The following AFAP1 variants were observed in gnomAD, a reference collection of about 807,000 sequenced individuals.
AFAP1 encodes the protein actin filament associated protein 1, also known as actin filament-associated protein 1.
A neutral mutation model predicts 93.9 loss-of-function variants in AFAP1; 75 were observed. That is an observed-to-expected ratio of 0.80 (90% CI 0.66 to 0.97). AFAP1 has a LOEUF of 0.97. AFAP1 is among the 50% of genes least tolerant of loss of function. AFAP1 has a pLI of 0.00. For missense variants in AFAP1, 1,201 were observed against 1,050.8 expected, an observed-to-expected ratio of 1.14 and a Z score of -1.98; for synonymous variants, 517 against 430.7, an observed-to-expected ratio of 1.20 and a Z score of -2.48.
At chr4:7,821,459 C>A (rs564412600) in intron 6 of AFAP1, among the ~76,000 whole-genome samples, 1 of 152,156 alleles carries the variant, frequency 6.6e-6, no homozygotes, top group African/African-American at 2.4e-5. Context: ...CTTTCCCAGC[C>A]GCCCCCTACA....
At chr4:7,845,341 G>C (rs542881715) in intron 4 of AFAP1, among the ~76,000 whole-genome samples, 6 of 152,222 alleles carry the variant, frequency 3.9e-5, no homozygotes, top group Admixed American at 1.3e-4. Flanking sequence ...AGGATCACTT[G>C]AGCCCAGGAG....
chr4:7,767,114 C>T (rs1256615891), intron 17 of AFAP1, among the ~76,000 whole-genome samples: 2 of 152,206 alleles, frequency 1.3e-5, no homozygotes, highest in Non-Finnish European at 2.9e-5. Flanking sequence ...TCCTGGGGAA[C>T]CCTGCTCAGT....
In AFAP1 at chr4:7,868,397, G is replaced by A. The variant is rs547159161; in HGVS notation, c.225+225C>T. Among the ~76,000 whole-genome samples, 4 of 152,258 alleles carry A rather than the reference G, an allele frequency of 2.6e-5. No homozygotes were observed. In the South Asian group the frequency reaches 8.3e-4, roughly 32 times the overall value. On this transcript the variant is annotated intron_variant, in intron 3 of 17. Coordinates refer to ENST00000420658, the MANE Select transcript of AFAP1 (RefSeq NM_001134647.2). ...CTATAGGTAATTTATGGTGGTGTGAGGCAGTGCAAAGAAATGCTAGCTTCC... is the reference window on the plus strand; with the variant it reads ...CTATAGGTAATTTATGGTGGTGTGAAGCAGTGCAAAGAAATGCTAGCTTCC...
At chr4:7,817,124 T>C (rs1720548337) in intron 7 of AFAP1, among the ~76,000 whole-genome samples, 2 of 152,054 alleles carry the variant, frequency 1.3e-5, no homozygotes, top group African/African-American at 2.4e-5. Flanking sequence ...GGAAATAAAA[T>C]TGCATCAACC....
intron 9 of AFAP1, among the ~76,000 whole-genome samples, chr4:7,801,174 A>G (rs754759655): frequency 6.6e-6 from 1 of 152,252 alleles, no homozygotes; most frequent in Non-Finnish European, 1.5e-5. Flanking sequence ...GGGAGGCACT[A>G]AGATCCCCAG....
intron 17 of AFAP1, among the ~76,000 whole-genome samples, 175 bp from the exon 18 acceptor site, chr4:7,763,966 A>G (rs1415469335): frequency 6.6e-6 from 1 of 152,186 alleles, no homozygotes; most frequent in Admixed American, 6.5e-5. Context: ...ACCTATCAGA[A>G]TGGAGAGCAT....
At chr4:7,764,305 C>G (rs1714236580) in intron 17 of AFAP1, among the ~76,000 whole-genome samples, 1 of 152,078 alleles carries the variant, frequency 6.6e-6, no homozygotes, top group East Asian at 1.9e-4. Flanking sequence ...CTGTGGGACA[C>G]ACAGACAGGA....
intron 1 of AFAP1, among the ~76,000 whole-genome samples, chr4:7,914,773 T>G (rs1429406949): frequency 6.6e-6 from 1 of 151,936 alleles, no homozygotes; most frequent in African/African-American, 2.4e-5. Context: ...TCTGAGACAG[T>G]CTCACTGTTG....
intron 11 of AFAP1, 94 bp from the exon 12 acceptor site, chr4:7,786,405 C>T: frequency 9.5e-7 from 1 of 1,053,626 alleles, no homozygotes. Context: ...ATGCCCAAGG[C>T]TATGTCAGAG....
At chr4:7,930,916 A>G (rs1312749753) in intron 1 of AFAP1, among the ~76,000 whole-genome samples, 1 of 152,058 alleles carries the variant, frequency 6.6e-6, no homozygotes, top group Non-Finnish European at 1.5e-5. Context: ...ACAACCGACT[A>G]ATTTTTGTAT....
Position 7,781,413 on chromosome 4 carries a change from GA to G in AFAP1, c.1744del (p.Ser582LeufsTer33). 3 of 1,551,962 alleles carry G rather than the reference GA, an allele frequency of 1.9e-6. No individual in the cohort carries two copies. The highest frequency in any genetic ancestry group is 2.6e-6 in the Non-Finnish European group (3 of 1,147,054). ...CCCGAGAGACGCCCTCCCCACAGAA[GA>G]GGTATTAGTGACAGACTGAGCGGAG... The part of the protein sequence containing the change: ...PASAQSVTNT[S>X]SVGRASLGLN... On this transcript the variant is annotated frameshift_variant, in exon 13 of 18. Coordinates refer to ENST00000420658, the MANE Select transcript of AFAP1 (RefSeq NM_001134647.2). LOFTEE classifies it high-confidence loss of function.
intron 1 of AFAP1, among the ~76,000 whole-genome samples, chr4:7,906,435 G>T (rs571818558): frequency 4.3e-4 from 65 of 152,288 alleles, no homozygotes; most frequent in African/African-American, 1.5e-3. Context: ...ATTAAGAGCA[G>T]AGTTAAGACT....
intron 6 of AFAP1, among the ~76,000 whole-genome samples, chr4:7,822,633 G>A (rs1248594864): frequency 8.4e-5 from 12 of 143,178 alleles, no homozygotes; most frequent in African/African-American, 3.2e-4. Context: ...CGCCCAGGCT[G>A]GAGTGCAGTG....
chr4:7,844,212 G>A (rs977034738), intron 4 of AFAP1, among the ~76,000 whole-genome samples: 8 of 152,056 alleles, frequency 5.3e-5, no homozygotes, highest in Non-Finnish European at 1.2e-4. Flanking sequence ...AGGACTTTTA[G>A]GAGGTTACTA....
intron 1 of AFAP1, among the ~76,000 whole-genome samples, chr4:7,878,877 A>G (rs1717677783): frequency 6.6e-6 from 1 of 152,084 alleles, no homozygotes; most frequent in Non-Finnish European, 1.5e-5. Context: ...GACTCTCTAA[A>G]TTTTGCTCCC....
chr4:7,765,296 C>T (rs1270504059), intron 17 of AFAP1, among the ~76,000 whole-genome samples: 2 of 152,190 alleles, frequency 1.3e-5, no homozygotes, highest in African/African-American at 4.8e-5. Context: ...GCCTGTTCTC[C>T]ACCTGATGTC....
chr4:7,904,960 G>A (rs371398834), intron 1 of AFAP1, among the ~76,000 whole-genome samples: 50 of 152,194 alleles, frequency 3.3e-4, no homozygotes, highest in Admixed American at 8.5e-4. Context: ...CTCCCAGCTC[G>A]GCCTCCCAAA....
At chr4:7,851,226 A>G (rs1714400702) in intron 4 of AFAP1, among the ~76,000 whole-genome samples, 2 of 152,176 alleles carry the variant, frequency 1.3e-5, no homozygotes, top group Non-Finnish European at 2.9e-5. Context: ...AGACACCAAG[A>G]GAAGAGGAAA....
intron 1 of AFAP1, among the ~76,000 whole-genome samples, chr4:7,899,360 G>A (rs923130414): frequency 2.0e-5 from 3 of 152,190 alleles, no homozygotes; most frequent in Non-Finnish European, 2.9e-5. Flanking sequence ...TGCCATTCAA[G>A]AAACAGTGGC....
Sources: allele counts gnomAD v4.1 joint callset (sites outside exome capture counted in the v4.1 genomes callset), GRCh38; gene constraint gnomAD v4.1.1; transcripts MANE v1.5; gene names NCBI Gene and HGNC (gene_info 2026-07-23, HGNC 2026-07-21).